Variants in BRD10 observed in about 807,000 individuals in gnomAD.
BRD10 encodes uncharacterized bromodomain-containing protein 10.
chr9:5,922,957 A>T, the BRD10 span: 1 of 1,614,020 alleles, frequency 6.2e-7, no homozygotes, highest in South Asian at 1.1e-5. Flanking sequence ...TATTCCCAAT[A>T]TTCTTTGCAA....
chr9:5,913,374 G>A, the BRD10 span, among the ~76,000 whole-genome samples: 1 of 152,192 alleles, frequency 6.6e-6, no homozygotes, highest in African/African-American at 2.4e-5. Context: ...ACATGATGAT[G>A]CATCAAAATC....
At chr9:5,883,973 T>C in the BRD10 span, among the ~76,000 whole-genome samples, 1 of 152,298 alleles carries the variant, frequency 6.6e-6, no homozygotes, top group Non-Finnish European at 1.5e-5. Context: ...GTTTCCATTT[T>C]GCAGATAAAG....
chr9:5,924,721 T>C, the BRD10 span: 1 of 1,601,502 alleles, frequency 6.2e-7, no homozygotes, highest in Non-Finnish European at 8.5e-7. Flanking sequence ...GACTTACTGA[T>C]TTCTCCCTTA....
the BRD10 span, among the ~76,000 whole-genome samples, chr9:5,977,497 A>G: frequency 1.4e-4 from 21 of 152,340 alleles, no homozygotes; most frequent in African/African-American, 5.1e-4. Context: ...ATATATAATC[A>G]GCCATTTTTA....
chr9:5,929,185 C>G, the BRD10 span: 1 of 1,138,104 alleles, frequency 8.8e-7, no homozygotes, highest in Non-Finnish European at 1.3e-6. Flanking sequence ...AAAGTAAATC[C>G]CTTAGATTTA....
At chr9:5,904,052 T>G in the BRD10 span, among the ~76,000 whole-genome samples, 2 of 152,304 alleles carry the variant, frequency 1.3e-5, no homozygotes, top group South Asian at 4.1e-4. Context: ...GAGATGGGGT[T>G]TCACCATGTT....
chr9:5,922,495 T>C, the BRD10 span: 1 of 1,613,916 alleles, frequency 6.2e-7, no homozygotes, highest in Non-Finnish European at 8.5e-7. Context: ...TGTTGAAAGC[T>C]GTATTTGGTA....
chr9:5,943,957 A>G, the BRD10 span, among the ~76,000 whole-genome samples: 3 of 152,154 alleles, frequency 2.0e-5, no homozygotes, highest in African/African-American at 7.2e-5. Context: ...CTCCTTTCAG[A>G]GTGCTACCAA....
the BRD10 span, chr9:5,920,410 T>A: frequency 6.2e-7 from 1 of 1,613,986 alleles, no homozygotes; most frequent in Non-Finnish European, 8.5e-7. Context: ...GACTCCCGAC[T>A]AGACTAGTTA....
chr9:5,918,562 A>C, the BRD10 span, among the ~76,000 whole-genome samples: 5 of 152,256 alleles, frequency 3.3e-5, no homozygotes, highest in Non-Finnish European at 7.4e-5. Flanking sequence ...AAAATTAAAA[A>C]ATTAGGCATG....
At chr9:5,901,574 A>C in the BRD10 span, among the ~76,000 whole-genome samples, 1 of 152,074 alleles carries the variant, frequency 6.6e-6, no homozygotes, top group East Asian at 1.9e-4. Context: ...GCTGGAGTGC[A>C]GTGGCTCAAT....
At chr9:5,921,617 G>C in the BRD10 span, 7 of 1,613,826 alleles carry the variant, frequency 4.3e-6, no homozygotes, top group Non-Finnish European at 5.9e-6. Flanking sequence ...ATCTCCATTT[G>C]TTGCTGCTGT....
At chr9:5,923,105 T>G in the BRD10 span, 1 of 1,614,020 alleles carries the variant, frequency 6.2e-7, no homozygotes, top group Admixed American at 1.7e-5. Flanking sequence ...ACTTTCTAGA[T>G]TCTCAACTGT....
chr9:5,912,202 C>T, the BRD10 span, among the ~76,000 whole-genome samples: 2 of 152,172 alleles, frequency 1.3e-5, no homozygotes, highest in Non-Finnish European at 1.5e-5. Context: ...AGAAATGATA[C>T]TGATTTTTTA....
At chr9:5,889,212 T>A in the BRD10 span, among the ~76,000 whole-genome samples, 2 of 152,338 alleles carry the variant, frequency 1.3e-5, no homozygotes, top group Middle Eastern at 3.4e-3. Context: ...CCTAACCACA[T>A]GTCACACAAC....
chr9:5,913,815 A>T, the BRD10 span: 1 of 220,910 alleles, frequency 4.5e-6, no homozygotes, highest in Non-Finnish European at 9.1e-6. Context: ...ATTAAAAAGA[A>T]AATCAAATAA....
At chr9:5,968,440 T>C in the BRD10 span, 1 of 1,613,076 alleles carries the variant, frequency 6.2e-7, no homozygotes, top group Non-Finnish European at 8.5e-7. Flanking sequence ...AGCCAGTAAC[T>C]TCCCCTGGAC....
At chr9:5,930,922 G>T in the BRD10 span, among the ~76,000 whole-genome samples, 3 of 152,296 alleles carry the variant, frequency 2.0e-5, no homozygotes, top group East Asian at 5.8e-4. Flanking sequence ...ACTTAAAATA[G>T]AAATTAGGTA....
the BRD10 span, among the ~76,000 whole-genome samples, chr9:5,959,765 A>G: frequency 6.6e-6 from 1 of 152,138 alleles, no homozygotes; most frequent in African/African-American, 2.4e-5. Flanking sequence ...ATTTCCTATA[A>G]AGCAGCTCAT....
Sources: allele counts gnomAD v4.1 joint callset (sites outside exome capture counted in the v4.1 genomes callset), GRCh38; gene constraint gnomAD v4.1.1; transcripts MANE v1.5; gene names NCBI Gene and HGNC (gene_info 2026-07-23, HGNC 2026-07-21).